DNAJC18: variants seen among roughly 807,000 people sequenced by gnomAD.
The protein encoded by DNAJC18 is DnaJ heat shock protein family (Hsp40) member C18, also known as dnaJ homolog subfamily C member 18.
In DNAJC18, 40 loss-of-function variants were observed where a neutral mutation model predicts 48.6. The observed-to-expected ratio is 0.82, with a 90% CI of 0.64 to 1.07. The LOEUF is 1.07. DNAJC18 is among the 50% of genes least tolerant of loss of function. The pLI is 0.00. For synonymous variants in DNAJC18, 135 were observed against 152.2 expected, an observed-to-expected ratio of 0.89 and a Z score of 0.83; for missense variants, 340 against 427.7, an observed-to-expected ratio of 0.79 and a Z score of 1.81.
At chr5:139,434,323 AT>A (rs1346040230) in intron 2 of DNAJC18, among the ~76,000 whole-genome samples, 2 of 151,950 alleles carry the variant, frequency 1.3e-5, no homozygotes, top group Admixed American at 6.6e-5. Flanking sequence ...AAAACTATTT[AT>A]TTATTTATTT....
chr5:139,437,783 G>A (rs1750704690), intron 1 of DNAJC18, among the ~76,000 whole-genome samples: 1 of 152,100 alleles, frequency 6.6e-6, no homozygotes. Context: ...AGTATTTTTT[G>A]TTGCAGTGCC....
chr5:139,414,306 A>G (rs2152082094), intron 7 of DNAJC18, 34 bp from the exon 8 acceptor site: 2 of 1,587,584 alleles, frequency 1.3e-6, no homozygotes, highest in Non-Finnish European at 1.7e-6. Context: ...ATTCATCAAG[A>G]GCTGAACTCC....
Position 139,426,320 on chromosome 5 carries a change from A to C in DNAJC18, c.411T>G (p.Asp137Glu). The change falls in exon 4 of 8, where the codon GAT becomes GAG. Residue 137 changes from aspartate to glutamate, a missense_variant. Asp to Glu is a conservative substitution (Grantham distance 45). Transcript: ENST00000302060. Reference protein sequence around the residue: ...GNAFAVLSNPDKRLRYDEYGD... With the variant: ...GNAFAVLSNPEKRLRYDEYGD... ...CGTATTCATCATAGCGAAGTCTCTTATCAGGATTGCTCAGGACTGCAAATG... is the reference window on the plus strand; with the variant it reads ...CGTATTCATCATAGCGAAGTCTCTTCTCAGGATTGCTCAGGACTGCAAATG... 1.9e-6 allele frequency: 3 copies of C among 1,614,204 alleles called. No homozygotes were observed. Among genetic ancestry groups the C allele is most frequent in the Non-Finnish European group, 2.5e-6 (3 of 1,180,036 alleles).
At chr5:139,418,707 T>C (rs1278735085) in intron 7 of DNAJC18, 1 of 456,236 alleles carries the variant, frequency 2.2e-6, no homozygotes, top group African/African-American at 2.0e-5. Flanking sequence ...AAGGGTGAGC[T>C]AGGACACTAA....
chr5:139,425,210 C>T (rs941833906), intron 4 of DNAJC18, 96 bp from the exon 5 acceptor site: 1 of 1,012,550 alleles, frequency 9.9e-7, no homozygotes, highest in East Asian at 2.8e-5. Context: ...GTTACCCAGA[C>T]TGGAGTGCAA....
intron 7 of DNAJC18, among the ~76,000 whole-genome samples, chr5:139,417,565 T>C (rs1466547512): frequency 2.0e-5 from 3 of 149,724 alleles, no homozygotes; most frequent in African/African-American, 7.4e-5. Flanking sequence ...GCTTACTCAC[T>C]GGATTTTTTT....
In DNAJC18 at chr5:139,428,806, C is replaced by T. The variant is rs1431410643; in HGVS notation, c.228-123G>A. On this transcript the variant is annotated intron_variant, in intron 2 of 7. Transcript: ENST00000302060. ...AAACAAACCTATAAGAAAATTAGTG[C>T]ACACGTTAATGAAACATTCAAATTC... 2.5e-6 allele frequency: 3 copies of T among 1,177,964 alleles called. No homozygotes were observed. In the African/African-American group the frequency reaches 4.6e-5, roughly 18 times the overall value. 73.0% of individuals were successfully genotyped at this position (1,177,964 alleles called of 1,614,324 possible).
chr5:139,423,924 C>A (rs1419613977), intron 5 of DNAJC18, among the ~76,000 whole-genome samples: 1 of 152,112 alleles, frequency 6.6e-6, no homozygotes, highest in Non-Finnish European at 1.5e-5. Flanking sequence ...TTAATAAGAC[C>A]AATGAAGCAA....
intron 1 of DNAJC18, 152 bp from the exon 2 acceptor site, chr5:139,437,710 T>C: frequency 2.5e-6 from 2 of 788,000 alleles, no homozygotes; most frequent in Non-Finnish European, 3.8e-6. Context: ...TAAGCACTCA[T>C]ACAAAGCTGA....
intron 6 of DNAJC18, among the ~76,000 whole-genome samples, chr5:139,420,662 C>T (rs1183386649): frequency 6.6e-6 from 1 of 151,130 alleles, no homozygotes; most frequent in Non-Finnish European, 1.5e-5. Context: ...AACCTAGAAG[C>T]AATATTTTGG....
At chr5:139,427,661 T>C (rs541534581) in intron 3 of DNAJC18, among the ~76,000 whole-genome samples, 1 of 152,366 alleles carries the variant, frequency 6.6e-6, no homozygotes, top group Non-Finnish European at 1.5e-5. Context: ...CATTCTCCTA[T>C]GTGATCACAA....
intron 7 of DNAJC18, among the ~76,000 whole-genome samples, chr5:139,416,131 C>T (rs1055057169): frequency 6.6e-6 from 1 of 152,212 alleles, no homozygotes; most frequent in African/African-American, 2.4e-5. Context: ...TCTCTCCAAA[C>T]TGCCAGTGAA....
intron 3 of DNAJC18, among the ~76,000 whole-genome samples, chr5:139,427,311 C>T (rs1205003867): frequency 3.9e-5 from 6 of 152,136 alleles, no homozygotes; most frequent in African/African-American, 1.2e-4. Flanking sequence ...TATGTACAGA[C>T]GTGCAAACCT....
At chr5:139,434,269 C>T (rs1003367583) in intron 2 of DNAJC18, among the ~76,000 whole-genome samples, 3 of 152,116 alleles carry the variant, frequency 2.0e-5, no homozygotes, top group African/African-American at 7.2e-5. Context: ...AAACTGATGC[C>T]ACTCAAACCT....
Position 139,413,050 on chromosome 5 carries a change from G to A in DNAJC18, c.*1098C>T. ...CAATGTTCTCATTCATAGAACCAGG[G>A]ATAATACATCTACTTCAGAGTTGTG... is the stretch of plus-strand genomic sequence containing the variant. On this transcript the variant is annotated 3_prime_UTR_variant, in exon 8 of 8. Transcript: ENST00000302060. 1 of 397,382 alleles carries A rather than the reference G, an allele frequency of 2.5e-6. No homozygotes were observed. Among genetic ancestry groups the A allele is most frequent in the Non-Finnish European group, 4.4e-6 (1 of 225,858 alleles). 24.6% of individuals were successfully genotyped at this position (397,382 alleles called of 1,614,324 possible). A position where few individuals can be genotyped will look rare whatever the true frequency, so the allele number is the denominator to read the frequency against.
Position 139,414,187 on chromosome 5 carries a change from C to A in DNAJC18, c.1038G>T (p.Glu346Asp). The A allele has an allele frequency of 1.2e-6, 2 of 1,614,208 alleles. 1 individual carries two copies. The highest frequency in any genetic ancestry group is 2.2e-5 in the South Asian group (2 of 91,084). ...KAESLKLENCEKLSKLIGLRR... is the reference protein window; with the variant it reads ...KAESLKLENCDKLSKLIGLRR... ...GTAGGCCAATGAGTTTGGAAAGTTT[C>A]TCACAGTTTTCAAGTTTCAGCGACT... Residue 346 changes from glutamate to aspartate, a missense_variant, in exon 8 of 8, where the codon GAG becomes GAT. Glu to Asp is a conservative substitution (Grantham distance 45, BLOSUM62 2). Transcript: ENST00000302060.
intron 7 of DNAJC18, among the ~76,000 whole-genome samples, chr5:139,417,694 C>T (rs565726984): frequency 5.6e-4 from 85 of 151,992 alleles, no homozygotes; most frequent in African/African-American, 1.9e-3. Flanking sequence ...CTGCCTCAGC[C>T]TCCCAAGTAG....
intron 5 of DNAJC18, among the ~76,000 whole-genome samples, chr5:139,424,717 C>CAAAAAA (rs70982777): frequency 0.011 from 245 of 23,126 alleles, 52 homozygotes; most frequent in African/African-American, 0.037. Context: ...GACCCTCTCT[C>CAAAAAA]AAAAAAAAAA....
chr5:139,413,962 C>T lies in DNAJC18; in HGVS notation c.*186G>A. 1 of 800,378 alleles carries T rather than the reference C, an allele frequency of 1.2e-6. No individual in the cohort carries two copies. The highest frequency in any genetic ancestry group is 1.9e-6 in the Non-Finnish European group (1 of 526,792). The allele number at this position is 800,378 out of a possible 1,614,324, so 49.6% of individuals were successfully genotyped here. A position where few individuals can be genotyped will look rare whatever the true frequency, so the allele number is the denominator to read the frequency against. On this transcript the variant is annotated 3_prime_UTR_variant, in exon 8 of 8. Transcript: ENST00000302060. ...CTACTCCTGGTCCCTGGAGCCACTCCCCAGGAAGGATCCTGTGAAGACACA... is the reference window on the plus strand; with the variant it reads ...CTACTCCTGGTCCCTGGAGCCACTCTCCAGGAAGGATCCTGTGAAGACACA...
Sources: gnomAD v4.1 joint callset for allele counts (sites outside exome capture counted in the v4.1 genomes callset) on GRCh38, gnomAD v4.1.1 for gene constraint, MANE v1.5 for transcripts, NCBI Gene and HGNC (gene_info 2026-07-23, HGNC 2026-07-21) for gene names.